Variants in MCTP1 observed in about 807,000 individuals in gnomAD.
MCTP1 encodes the protein multiple C2 and transmembrane domain containing 1.
Under a neutral mutation model 120.6 loss-of-function variants are expected in MCTP1, and 69 were observed. That is an observed-to-expected ratio of 0.57 (90% CI 0.47 to 0.70). MCTP1 has a LOEUF of 0.70. MCTP1 is among the 30% of genes least tolerant of loss of function. The pLI is 0.00. For synonymous variants in MCTP1, 529 were observed against 493.1 expected, an observed-to-expected ratio of 1.07 and a Z score of -0.96; for missense variants, 1,203 against 1,248.8, an observed-to-expected ratio of 0.96 and a Z score of 0.55.
chr5:94,920,489 T>TCC (rs1487260174), intron 7 of MCTP1, among the ~76,000 whole-genome samples: 1 of 152,090 alleles, frequency 6.6e-6, no homozygotes, highest in Non-Finnish European at 1.5e-5. Context: ...ACGCCTGTAA[T>TCC]CCCAGCACTT....
chr5:94,861,140 A>G (rs1370371312), intron 17 of MCTP1, among the ~76,000 whole-genome samples: 8 of 151,692 alleles, frequency 5.3e-5, no homozygotes, highest in Admixed American at 5.3e-4. Flanking sequence ...TGAGTGTTGG[A>G]CCTCTGTCAT....
chr5:94,756,399 T>A (rs1279642816), intron 19 of MCTP1, among the ~76,000 whole-genome samples: 1 of 152,110 alleles, frequency 6.6e-6, no homozygotes, highest in Admixed American at 6.5e-5. Flanking sequence ...GATTTGACAT[T>A]AGGTGGTGGT....
intron 1 of MCTP1, among the ~76,000 whole-genome samples, chr5:95,209,399 C>T (rs1426344179): frequency 6.6e-6 from 1 of 152,112 alleles, no homozygotes; most frequent in East Asian, 1.9e-4. Flanking sequence ...CTCTTTTCCT[C>T]CCTCTCTCCT....
At chr5:95,271,748 T>A (rs458390) in intron 1 of MCTP1, among the ~76,000 whole-genome samples, 131,888 of 151,324 alleles carry the variant, frequency 0.87, 57,782 homozygotes, top group African/African-American at 0.97. Flanking sequence ...TTATAATTAA[T>A]TACAAAACAT....
chr5:95,179,903 C>T (rs1001234985), intron 1 of MCTP1, among the ~76,000 whole-genome samples: 1 of 152,092 alleles, frequency 6.6e-6, no homozygotes, highest in African/African-American at 2.4e-5. Context: ...AGGAGACTCA[C>T]CTAACACATA....
intron 18 of MCTP1, among the ~76,000 whole-genome samples, chr5:94,794,581 GGT>G (rs1411188876): frequency 6.6e-6 from 1 of 152,126 alleles, no homozygotes; most frequent in Non-Finnish European, 1.5e-5. Flanking sequence ...GGCACAATTG[GGT>G]TCACATCACA....
intron 1 of MCTP1, among the ~76,000 whole-genome samples, chr5:95,025,835 G>T (rs1307720948): frequency 1.3e-5 from 2 of 152,128 alleles, no homozygotes; most frequent in African/African-American, 4.8e-5. Flanking sequence ...ATGCAGACTA[G>T]CTTGATCCTT....
intron 18 of MCTP1, 132 bp from the exon 19 acceptor site, chr5:94,779,295 A>C (rs1442012166): frequency 2.7e-6 from 2 of 743,620 alleles, no homozygotes; most frequent in Middle Eastern, 2.4e-4. Flanking sequence ...TATTTGATCT[A>C]GAGAGAGTGA....
At chr5:95,209,922 G>T (rs191395155) in intron 1 of MCTP1, among the ~76,000 whole-genome samples, 2 of 152,098 alleles carry the variant, frequency 1.3e-5, no homozygotes, top group African/African-American at 4.8e-5. Flanking sequence ...CCTTCATTTC[G>T]TTATGTACCC....
At chr5:95,036,411 C>T (rs1016503675) in intron 1 of MCTP1, among the ~76,000 whole-genome samples, 15 of 152,140 alleles carry the variant, frequency 9.9e-5, no homozygotes, top group African/African-American at 2.9e-4. Context: ...TATGGATTTA[C>T]GTCTACAAAA....
chr5:94,946,181 C>T (rs1377169427), intron 3 of MCTP1, among the ~76,000 whole-genome samples: 1 of 152,182 alleles, frequency 6.6e-6, no homozygotes. Context: ...AGAGCTTCCT[C>T]ATCATTACTG....
intron 2 of MCTP1, among the ~76,000 whole-genome samples, chr5:94,960,444 T>C (rs1168440540): frequency 6.6e-6 from 1 of 152,076 alleles, no homozygotes; most frequent in Non-Finnish European, 1.5e-5. Flanking sequence ...TTAAGGAGCC[T>C]CTGCACAGCA....
chr5:95,086,624 C>T (rs1169341912), intron 1 of MCTP1, among the ~76,000 whole-genome samples: 1 of 152,118 alleles, frequency 6.6e-6, no homozygotes, highest in African/African-American at 2.4e-5. Flanking sequence ...TTTCCCAAAC[C>T]AATAACTCAG....
At chr5:94,882,546 T>TCA (rs1381450364) in intron 12 of MCTP1, among the ~76,000 whole-genome samples, 1 of 84,534 alleles carries the variant, frequency 1.2e-5, no homozygotes, top group African/African-American at 3.5e-5. Flanking sequence ...AAAATATTTT[T>TCA]TAAGTTTAAT....
intron 1 of MCTP1, among the ~76,000 whole-genome samples, chr5:95,273,150 G>T (rs1759544173): frequency 6.6e-6 from 1 of 152,218 alleles, no homozygotes; most frequent in African/African-American, 2.4e-5. Context: ...AATCCCAAAA[G>T]ATATTTTGGA....
intron 2 of MCTP1, among the ~76,000 whole-genome samples, chr5:94,995,450 T>A (rs1394829157): frequency 6.6e-6 from 1 of 152,132 alleles, no homozygotes; most frequent in African/African-American, 2.4e-5. Context: ...AATGAGTAAG[T>A]CCACTTTAAA....
intron 1 of MCTP1, among the ~76,000 whole-genome samples, chr5:95,200,895 T>C (rs1437011876): frequency 6.6e-6 from 1 of 151,820 alleles, no homozygotes; most frequent in East Asian, 1.9e-4. Context: ...CAAAACATCA[T>C]GTTGTACATG....
At chr5:94,888,729 G>C in intron 12 of MCTP1, 150 bp downstream of exon 12, 1 of 512,818 alleles carries the variant, frequency 2.0e-6, no homozygotes, top group East Asian at 3.1e-5. Flanking sequence ...AAAAATCAGG[G>C]GGTTGGCAAA....
intron 17 of MCTP1, among the ~76,000 whole-genome samples, chr5:94,824,257 G>C (rs533222085): frequency 2.0e-5 from 3 of 152,090 alleles, no homozygotes; most frequent in Non-Finnish European, 4.4e-5. Flanking sequence ...GCATGAAGGG[G>C]TGTTGAATTT....
Sources: allele counts gnomAD v4.1 joint callset (sites outside exome capture counted in the v4.1 genomes callset), GRCh38; gene constraint gnomAD v4.1.1; transcripts MANE v1.5; gene names NCBI Gene and HGNC (gene_info 2026-07-23, HGNC 2026-07-21).